PALM2AKAP2: variants seen among roughly 807,000 people sequenced by gnomAD.
PALM2AKAP2 encodes PALM2 and AKAP2 fusion.
Under a neutral mutation model 71.5 loss-of-function variants are expected in PALM2AKAP2, and 37 were observed. The observed-to-expected ratio is 0.52, with a 90% CI of 0.40 to 0.68. PALM2AKAP2 has a LOEUF of 0.68. PALM2AKAP2 is among the 30% of genes least tolerant of loss of function. The probability of loss-of-function intolerance (pLI) is 0.00; values close to 1 mark genes in which losing one functional copy is unlikely to be tolerated. For missense variants in PALM2AKAP2, 1,224 were observed against 1,191.8 expected, an observed-to-expected ratio of 1.03 and a Z score of -0.40; for synonymous variants, 468 against 478.8, an observed-to-expected ratio of 0.98 and a Z score of 0.29.
chr9:109,922,554 GA>G (rs1046212752), intron 3 of PALM2AKAP2, among the ~76,000 whole-genome samples: 2 of 142,678 alleles, frequency 1.4e-5, no homozygotes, highest in Non-Finnish European at 3.0e-5. Flanking sequence ...GAGACCAAAA[GA>G]AAAAATGAAT....
At chr9:110,136,936 G>A in exon 2 of PALM2AKAP2, 1 of 1,614,170 alleles carries the variant, frequency 6.2e-7, no homozygotes, top group South Asian at 1.1e-5. Context: ...CCGTCAAGAA[G>A]AATCCTGGCA....
chr9:110,108,682 T>C (rs948058090), intron 1 of PALM2AKAP2, among the ~76,000 whole-genome samples: 1 of 152,130 alleles, frequency 6.6e-6, no homozygotes, highest in Non-Finnish European at 1.5e-5. Context: ...TAAGGGGTGA[T>C]GAAAAAATCT....
chr9:109,809,457 A>G (rs1239150005), intron 1 of PALM2AKAP2, among the ~76,000 whole-genome samples: 1 of 152,170 alleles, frequency 6.6e-6, no homozygotes, highest in Non-Finnish European at 1.5e-5. Context: ...GGTTTTGGCC[A>G]ATTTCTCCCA....
chr9:109,971,588 G>C (rs1832070129), intron 6 of PALM2AKAP2, among the ~76,000 whole-genome samples: 1 of 151,974 alleles, frequency 6.6e-6, no homozygotes, highest in Admixed American at 6.6e-5. Flanking sequence ...ACCAAGCCTG[G>C]CTAATTTTTG....
At position 110,117,973 on chromosome 9, in the gene PALM2AKAP2, T is replaced by TTGTGTGTGTGTGTG. The variant is rs1171400897; in HGVS notation, c.157-18130_157-18117dup. ...GATACATATATATATATATGTCGTT[T>TTGTGTGTGTGTGTG]TGTGTGTGTGTGTGTGTGTGTGTGT... On this transcript the variant is annotated intron_variant, in intron 1 of 3. Coordinates refer to ENST00000374525, the Ensembl canonical transcript of PALM2AKAP2. Among the ~76,000 whole-genome samples the TTGTGTGTGTGTGTG allele has an allele frequency of 7.2e-3, 997 of 138,550 alleles. 4 individuals carry two copies. Among genetic ancestry groups the TTGTGTGTGTGTGTG allele is most frequent in the Admixed American group, 0.011 (144 of 13,704 alleles). 90.9% of individuals were successfully genotyped at this position (138,550 alleles called of 152,430 possible).
chr9:109,759,225 T>C lies in PALM2AKAP2; in HGVS notation c.6-21263T>C, dbSNP rs528510721. Among the ~76,000 whole-genome samples, 309 of 152,254 alleles carry C rather than the reference T, an allele frequency of 2.0e-3. 2 individuals carry two copies. The highest frequency in any genetic ancestry group is 7.1e-3 in the African/African-American group (296 of 41,558). Reference sequence around the variant, plus strand: ...TGTTCTTGATGTATGGAGTCATTTATGCATTATAGAACCCAGATTTTTGGA... The same window carrying C: ...TGTTCTTGATGTATGGAGTCATTTACGCATTATAGAACCCAGATTTTTGGA... On this transcript the variant is annotated intron_variant, in intron 1 of 6. Coordinates refer to the PALM2AKAP2 transcript ENST00000374531.
At chr9:109,759,990 C>G (rs1409250741) in intron 1 of PALM2AKAP2, among the ~76,000 whole-genome samples, 1 of 152,094 alleles carries the variant, frequency 6.6e-6, no homozygotes, top group Non-Finnish European at 1.5e-5. Flanking sequence ...ATAATTACCT[C>G]CAAAATGAAG....
chr9:110,162,033 G>T (rs1836613199), intron 3 of PALM2AKAP2, 61 bp from the exon 10 acceptor site: 4 of 1,592,432 alleles, frequency 2.5e-6, no homozygotes, highest in Non-Finnish European at 3.4e-6. Flanking sequence ...TCCCGGCTAG[G>T]GGGTGTTCTG....
At chr9:109,659,673 G>A (rs1439698596) in intron 1 of PALM2AKAP2, among the ~76,000 whole-genome samples, 1 of 152,000 alleles carries the variant, frequency 6.6e-6, no homozygotes, top group African/African-American at 2.4e-5. Flanking sequence ...AAAGATGTGA[G>A]TCAGCTCTAA....
intron 1 of PALM2AKAP2, among the ~76,000 whole-genome samples, chr9:109,834,833 A>G (rs1828411844): frequency 6.6e-6 from 1 of 152,194 alleles, no homozygotes; most frequent in South Asian, 2.1e-4. Context: ...TGGGACTTAA[A>G]TCCCAAGTCT....
At chr9:109,702,705 G>A (rs1828080837) in intron 1 of PALM2AKAP2, among the ~76,000 whole-genome samples, 1 of 149,956 alleles carries the variant, frequency 6.7e-6, no homozygotes, top group Admixed American at 6.7e-5. Flanking sequence ...TAACTAACAT[G>A]TACCTGCATG....
intron 1 of PALM2AKAP2, among the ~76,000 whole-genome samples, chr9:109,769,625 G>C (rs967205199): frequency 6.6e-6 from 1 of 152,186 alleles, no homozygotes; most frequent in Non-Finnish European, 1.5e-5. Context: ...GAAAAGCCAG[G>C]CAGGCTTTTG....
chr9:109,679,175 G>A (rs1185624083), intron 1 of PALM2AKAP2, among the ~76,000 whole-genome samples: 2 of 152,172 alleles, frequency 1.3e-5, no homozygotes, highest in Non-Finnish European at 2.9e-5. Flanking sequence ...GCTTCCTGCC[G>A]AGAACACCAA....
exon 2 of PALM2AKAP2, chr9:110,136,470 C>T (rs747375163): frequency 6.2e-7 from 1 of 1,614,212 alleles, no homozygotes; most frequent in Non-Finnish European, 8.5e-7. Flanking sequence ...GGAACATCCT[C>T]CCCAGAGCCT....
chr9:109,763,535 C>T (rs935943199), intron 1 of PALM2AKAP2, among the ~76,000 whole-genome samples: 2 of 152,180 alleles, frequency 1.3e-5, no homozygotes, highest in African/African-American at 2.4e-5. Flanking sequence ...TCACAGGGTA[C>T]TTAATATTAG....
At chr9:110,091,742 G>A (rs974321251) in intron 1 of PALM2AKAP2, among the ~76,000 whole-genome samples, 1 of 152,112 alleles carries the variant, frequency 6.6e-6, no homozygotes, top group Admixed American at 6.5e-5. Flanking sequence ...GATTACAGGT[G>A]TGAGCCACCG....
At chr9:110,048,024 A>C (rs1833630892), upstream of PALM2AKAP2, among the ~76,000 whole-genome samples, 1 of 152,124 alleles carries the variant, frequency 6.6e-6, no homozygotes, top group Non-Finnish European at 1.5e-5. Context: ...CTGCCACTAC[A>C]CGGAGGGCAG....
At chr9:110,140,239 C>G (rs1182015940) in intron 2 of PALM2AKAP2, among the ~76,000 whole-genome samples, 1 of 152,180 alleles carries the variant, frequency 6.6e-6, no homozygotes, top group Non-Finnish European at 1.5e-5. Context: ...TTATCCGCAA[C>G]TTGTTCAGTT....
upstream of PALM2AKAP2, among the ~76,000 whole-genome samples, chr9:110,044,815 C>A (rs1349267677): frequency 6.6e-6 from 1 of 152,050 alleles, no homozygotes; most frequent in Non-Finnish European, 1.5e-5. Flanking sequence ...ACTGTCTTGC[C>A]CCCACCTTCT....
Sources: allele counts gnomAD v4.1 joint callset (sites outside exome capture counted in the v4.1 genomes callset), GRCh38; gene constraint gnomAD v4.1.1; transcripts MANE v1.5; gene names NCBI Gene and HGNC (gene_info 2026-07-23, HGNC 2026-07-21).